Variants in CACNA2D3 observed in about 807,000 individuals in gnomAD.
The protein encoded by CACNA2D3 is voltage-dependent calcium channel subunit alpha-2/delta-3.
CACNA2D3 carries 60 observed loss-of-function variants against 160.6 expected under a neutral mutation model. The ratio of observed to expected loss-of-function variants is 0.37; its 90% CI spans 0.30 to 0.46. The LOEUF (loss-of-function observed/expected upper bound fraction) is 0.46. Ranked by LOEUF, CACNA2D3 falls within the 20% of genes least tolerant of loss-of-function variation. The probability of loss-of-function intolerance (pLI) is 1.00; values close to 1 mark genes in which losing one functional copy is unlikely to be tolerated. For missense variants in CACNA2D3, 1,205 were observed against 1,365.0 expected (o/e 0.88, Z 1.85); for synonymous variants, 558 against 492.9 (o/e 1.13, Z -1.75).
chr3:54,138,519 T>C (rs1395293796), intron 2 of CACNA2D3, among the ~76,000 whole-genome samples: 2 of 152,232 alleles, frequency 1.3e-5, no homozygotes, highest in Non-Finnish European at 2.9e-5. Flanking sequence ...GTGTTTGTTA[T>C]TGTACTTGCT....
intron 2 of CACNA2D3, among the ~76,000 whole-genome samples, chr3:54,263,540 A>C (rs1702442364): frequency 6.6e-6 from 1 of 152,198 alleles, no homozygotes; most frequent in East Asian, 1.9e-4. Context: ...GCATTGCCAG[A>C]GCCCAAGATC....
chr3:54,601,637 A>G (rs1159938723), intron 9 of CACNA2D3, among the ~76,000 whole-genome samples: 1 of 152,086 alleles, frequency 6.6e-6, no homozygotes, highest in Non-Finnish European at 1.5e-5. Flanking sequence ...GTCCACCGAC[A>G]TAGTATTAGA....
chr3:54,195,199 G>A (rs1701056794), intron 2 of CACNA2D3, among the ~76,000 whole-genome samples: 1 of 151,312 alleles, frequency 6.6e-6, no homozygotes, highest in Admixed American at 6.6e-5. Flanking sequence ...CAGCCGTCTG[G>A]CCGTTGTCCC....
At chr3:54,423,666 C>A (rs1699870785) in intron 4 of CACNA2D3, among the ~76,000 whole-genome samples, 1 of 152,018 alleles carries the variant, frequency 6.6e-6, no homozygotes, top group African/African-American at 2.4e-5. Flanking sequence ...GTACATAGGC[C>A]CTGGTTTTGA....
chr3:54,403,197 TAAAAA>T (rs1158154301), intron 4 of CACNA2D3, among the ~76,000 whole-genome samples: 1 of 150,890 alleles, frequency 6.6e-6, no homozygotes, highest in South Asian at 2.1e-4. Flanking sequence ...CTGCAAAAAA[TAAAAA>T]AAAGTAGCCG....
chr3:54,646,226 CCTTCCTTCCTTCCTTCCTTCCT>C (rs1468130843), intron 11 of CACNA2D3, among the ~76,000 whole-genome samples: 15 of 119,562 alleles, frequency 1.3e-4, no homozygotes, highest in African/African-American at 4.9e-4. Context: ...TTCCTTCCTT[CCTTCCTTCCTTCCTTCCTTCCT>C]CTCTCTCTCT....
chr3:55,033,743 A>ATG lies in CACNA2D3; in HGVS notation c.2987+15427_2987+15428insGT, dbSNP rs1559469437. On this transcript the variant is annotated intron_variant, in intron 35 of 37. Transcript: ENST00000474759. Reference sequence around the variant, plus strand: ...ATATATTAAATATATTTTATATAATATATATTATATTAAATATATATTATA... The same window carrying ATG: ...ATATATTAAATATATTTTATATAATATGTATATTATATTAAATATATATTATA... Among the ~76,000 whole-genome samples the ATG allele has an allele frequency of 2.8e-5, 3 of 108,896 alleles. 1 individual carries two copies. The highest frequency in any genetic ancestry group is 3.7e-5 in the Non-Finnish European group (2 of 54,124). The allele number at this position is 108,896 out of a possible 152,430, so 71.4% of individuals were successfully genotyped here.
chr3:54,813,694 A>G (rs556098076), intron 13 of CACNA2D3, among the ~76,000 whole-genome samples: 2 of 152,026 alleles, frequency 1.3e-5, no homozygotes, highest in Non-Finnish European at 2.9e-5. Context: ...CATATGGGGA[A>G]GATGTCTTCT....
Position 54,249,595 on chromosome 3 carries a change from A to G in CACNA2D3, c.205-70847A>G, listed in dbSNP as rs148721418. Among the ~76,000 whole-genome samples, 4 of 145,558 alleles carry G rather than the reference A, an allele frequency of 2.7e-5. No homozygotes were observed. In the East Asian group the frequency reaches 8.0e-4, roughly 29 times the overall value. On this transcript the variant is annotated intron_variant, in intron 2 of 37. Transcript: ENST00000474759. ...CACACACACACACACACACCAGGCT[A>G]CATTTGAACTTGCCAGTCTCAGTAA...
intron 9 of CACNA2D3, among the ~76,000 whole-genome samples, chr3:54,620,725 G>A (rs1167767177): frequency 4.6e-5 from 7 of 152,160 alleles, no homozygotes; most frequent in South Asian, 2.1e-4. Context: ...TATCAGGGAC[G>A]TAGAGAGCTG....
intron 5 of CACNA2D3, among the ~76,000 whole-genome samples, chr3:54,554,486 C>T (rs1231805258): frequency 6.6e-6 from 1 of 152,208 alleles, no homozygotes; most frequent in Non-Finnish European, 1.5e-5. Flanking sequence ...TGGATAGTCT[C>T]AGGACAGCTG....
chr3:55,067,716 G>GATACATAC (rs59985203), intron 35 of CACNA2D3, among the ~76,000 whole-genome samples: 3,098 of 151,188 alleles, frequency 0.02, 109 homozygotes, highest in African/African-American at 0.069. Flanking sequence ...CCATGCATTA[G>GATACATAC]ATACATACAT....
At chr3:54,238,639 G>T (rs769717019) in intron 2 of CACNA2D3, among the ~76,000 whole-genome samples, 1 of 152,088 alleles carries the variant, frequency 6.6e-6, no homozygotes, top group Non-Finnish European at 1.5e-5. Context: ...AATATACCCT[G>T]TTTTTCCTGA....
At chr3:54,944,460 G>A (rs1034181830) in intron 27 of CACNA2D3, among the ~76,000 whole-genome samples, 14 of 150,958 alleles carry the variant, frequency 9.3e-5, no homozygotes, top group African/African-American at 2.2e-4. Flanking sequence ...TCGCTCTGTC[G>A]CCCAGGCTGG....
At chr3:54,424,893 G>A (rs1292848746) in intron 4 of CACNA2D3, among the ~76,000 whole-genome samples, 2 of 152,118 alleles carry the variant, frequency 1.3e-5, no homozygotes, top group Non-Finnish European at 2.9e-5. Flanking sequence ...CGATTACCAC[G>A]TTTCTGCATC....
At chr3:54,134,292 G>A (rs1410021873) in intron 2 of CACNA2D3, among the ~76,000 whole-genome samples, 2 of 152,064 alleles carry the variant, frequency 1.3e-5, no homozygotes. Context: ...AGCGGGGAGG[G>A]GTGAGCAGAA....
At chr3:54,358,262 AG>A (rs1698682960) in intron 3 of CACNA2D3, among the ~76,000 whole-genome samples, 1 of 152,238 alleles carries the variant, frequency 6.6e-6, no homozygotes, top group Non-Finnish European at 1.5e-5. Flanking sequence ...CTTTAGAAAC[AG>A]CCTGTTTTGT....
chr3:54,455,338 C>T (rs890538517), intron 4 of CACNA2D3, among the ~76,000 whole-genome samples: 6 of 151,932 alleles, frequency 3.9e-5, no homozygotes, highest in African/African-American at 1.2e-4. Flanking sequence ...TGTTGATTAG[C>T]GATGTTGAGC....
intron 28 of CACNA2D3, among the ~76,000 whole-genome samples, chr3:54,968,988 A>G (rs1250904502): frequency 1.3e-5 from 2 of 152,190 alleles, no homozygotes; most frequent in East Asian, 1.9e-4. Context: ...TGCTCTCTGT[A>G]CTAAGTCATC....
Sources: gnomAD v4.1 joint callset for allele counts (sites outside exome capture counted in the v4.1 genomes callset) on GRCh38, gnomAD v4.1.1 for gene constraint, MANE v1.5 for transcripts, NCBI Gene and HGNC (gene_info 2026-07-23, HGNC 2026-07-21) for gene names.